The following FAM135B variants were observed in gnomAD, a reference collection of about 807,000 sequenced individuals.
FAM135B encodes the protein family with sequence similarity 135 member B, also known as protein FAM135B.
Under a neutral mutation model 127.7 loss-of-function variants are expected in FAM135B, and 43 were observed. The ratio of observed to expected loss-of-function variants is 0.34; its 90% CI spans 0.26 to 0.43. FAM135B has a LOEUF of 0.43. FAM135B is among the 20% of genes least tolerant of loss of function. The pLI is 1.00. For synonymous variants in FAM135B, 670 were observed against 665.1 expected, an observed-to-expected ratio of 1.01 and a Z score of -0.11; for missense variants, 1,558 against 1,725.6, an observed-to-expected ratio of 0.90 and a Z score of 1.72.
At chr8:138,220,597 T>C (rs1452568322) in intron 7 of FAM135B, among the ~76,000 whole-genome samples, 3 of 152,114 alleles carry the variant, frequency 2.0e-5, no homozygotes, top group Non-Finnish European at 2.9e-5. Context: ...TAGAAGCATA[T>C]CTAACGCATT....
At chr8:138,345,112 G>A (rs900514025) in intron 2 of FAM135B, among the ~76,000 whole-genome samples, 1 of 152,056 alleles carries the variant, frequency 6.6e-6, no homozygotes, top group Non-Finnish European at 1.5e-5. Context: ...GAGGATGAGG[G>A]TCAGAATAGT....
intron 2 of FAM135B, among the ~76,000 whole-genome samples, chr8:138,313,075 G>A (rs564761978): frequency 1.3e-3 from 197 of 152,280 alleles, no homozygotes; most frequent in African/African-American, 4.7e-3. Flanking sequence ...AAACTAGATT[G>A]TGGACTTAAA....
Position 138,151,213 on chromosome 8 carries a change from C to A in FAM135B, c.3262G>T (p.Val1088Phe), listed in dbSNP as rs755702293. The change falls in exon 13 of 20, where the codon GTC (valine) becomes TTC (phenylalanine). Residue 1088 changes from valine to phenylalanine, a missense_variant. Val to Phe is a conservative substitution (Grantham distance 50, BLOSUM62 -1). This residue lies in a region of FAM135B where 923 missense variants were observed against 865.3 expected (regional missense o/e 1.07). Transcript: ENST00000395297. The part of the protein sequence containing the change: ...STHSSTLDEE[V>F]SERMFSFYQA... ...GCTTACCTAAACATCCTCTCACTGA[C>A]TTCCTCATCCAACGTGCTGGAATGG... 1.9e-6 allele frequency: 3 copies of A among 1,541,236 alleles called. No individual in the cohort carries two copies. Among genetic ancestry groups the A allele is most frequent in the Admixed American group, 2.1e-5 (1 of 46,986 alleles).
rs549995764 is a variant in FAM135B, at chr8:138,222,638, G to A, written c.669+20304C>T. Among the ~76,000 whole-genome samples, 47 of 150,612 alleles carry A rather than the reference G, an allele frequency of 3.1e-4. 1 individual carries two copies. Among genetic ancestry groups the A allele is most frequent in the Middle Eastern group, 7.1e-3 (2 of 282 alleles). On this transcript the variant is annotated intron_variant, in intron 7 of 19. Transcript: ENST00000395297. Reference sequence around the variant, plus strand: ...GAATAGTTATATTTAGATGTGGTGGGGTTTTTTGTTTGTTTGTTTGTAGGA... The same window carrying A: ...GAATAGTTATATTTAGATGTGGTGGAGTTTTTTGTTTGTTTGTTTGTAGGA...
intron 1 of FAM135B, among the ~76,000 whole-genome samples, chr8:138,444,553 T>C (rs1835994565): frequency 6.6e-6 from 1 of 152,098 alleles, no homozygotes; most frequent in Non-Finnish European, 1.5e-5. Context: ...GAATGACTAC[T>C]GGGTACATAA....
At chr8:138,437,617 G>A (rs1166452594) in intron 1 of FAM135B, 1 of 152,144 alleles carries the variant, frequency 6.6e-6, no homozygotes, top group African/African-American at 2.4e-5. Context: ...GTTCTTCATA[G>A]CAGTGTGAAT....
At position 138,145,949 on chromosome 8, in the gene FAM135B, A is replaced by G. The variant is rs1231706088; in HGVS notation, c.3540+10T>C. ...GGGTTCTTCCAGTTCTGATATTTGT[A>G]TCATCATACCTGATTCTTTTCAGAC... On this transcript the variant is annotated intron_variant, in intron 15 of 19. Transcript: ENST00000395297. 1 of 1,467,046 alleles carries G rather than the reference A, an allele frequency of 6.8e-7. No homozygotes were observed. The highest frequency in any genetic ancestry group is 1.1e-5 in the South Asian group (1 of 87,286). The allele number at this position is 1,467,046 out of a possible 1,614,324, so 90.9% of individuals were successfully genotyped here.
intron 1 of FAM135B, among the ~76,000 whole-genome samples, chr8:138,456,865 G>A (rs1427355085): frequency 6.6e-6 from 1 of 152,042 alleles, no homozygotes; most frequent in Non-Finnish European, 1.5e-5. Flanking sequence ...CTGGATGGTG[G>A]AGACAGAAAC....
At chr8:138,193,517 C>T (rs1816330966) in intron 9 of FAM135B, among the ~76,000 whole-genome samples, 1 of 152,146 alleles carries the variant, frequency 6.6e-6, no homozygotes, top group Non-Finnish European at 1.5e-5. Flanking sequence ...AATGGAAAAG[C>T]CGAGTTGGAA....
At chr8:138,457,327 C>T (rs1367803284) in intron 1 of FAM135B, among the ~76,000 whole-genome samples, 1 of 152,160 alleles carries the variant, frequency 6.6e-6, no homozygotes, top group Non-Finnish European at 1.5e-5. Flanking sequence ...ATGGAAAGTA[C>T]TGTGAGCCAC....
At chr8:138,256,846 A>C in intron 4 of FAM135B, 87 bp from the exon 5 acceptor site, 1 of 968,554 alleles carries the variant, frequency 1.0e-6, no homozygotes, top group Non-Finnish European at 1.6e-6. Context: ...CAAAGTAGAG[A>C]AACACTATCT....
chr8:138,204,857 T>C (rs895316426), intron 7 of FAM135B, among the ~76,000 whole-genome samples: 2 of 152,198 alleles, frequency 1.3e-5, no homozygotes, highest in African/African-American at 4.8e-5. Context: ...GAAATATCAA[T>C]GCATTGTTTG....
rs2130741928 is a variant in FAM135B, at chr8:138,151,760, C to T, written c.2715G>A (p.Lys905=). The part of the protein sequence containing the change: ...SLHRALEETP[K]GMPKDLNVGQ... Reference sequence around the variant, plus strand: ...CCACATTCAAGTCTTTAGGCATGCCCTTTGGGGTTTCCTCAAGTGCTCTAT... The same window carrying T: ...CCACATTCAAGTCTTTAGGCATGCCTTTTGGGGTTTCCTCAAGTGCTCTAT... Residue 905 remains lysine, a synonymous_variant, in exon 13 of 20, where the codon AAG becomes AAA. Coordinates refer to ENST00000395297, the MANE Select transcript of FAM135B (RefSeq NM_015912.4). 1.2e-6 allele frequency: 2 copies of T among 1,614,134 alleles called. No individual in the cohort carries two copies. Among genetic ancestry groups the T allele is most frequent in the South Asian group, 1.1e-5 (1 of 91,080 alleles).
At chr8:138,484,502 G>T (rs999666764) in intron 1 of FAM135B, among the ~76,000 whole-genome samples, 1 of 152,128 alleles carries the variant, frequency 6.6e-6, no homozygotes, top group African/African-American at 2.4e-5. Context: ...ACAGTATTTT[G>T]CCCTCTTGGC....
In FAM135B at chr8:138,242,846, A is replaced by C. The variant is rs34688361; in HGVS notation, c.669+96T>G. 2,472 of 1,477,618 alleles carry C rather than the reference A, an allele frequency of 1.7e-3. 49 individuals are homozygous for C. The African/African-American group carries it at 0.03, about 18-fold the overall frequency. The allele number at this position is 1,477,618 out of a possible 1,614,324, so 91.5% of individuals were successfully genotyped here. A position where few individuals can be genotyped will look rare whatever the true frequency, so the allele number is the denominator to read the frequency against. ...AGGGTCAAATTAGCAAAAATCTCTG[A>C]AGGGGATGTTTCAAAGAAGCATGAA... On this transcript the variant is annotated intron_variant, in intron 7 of 19. Transcript: ENST00000395297. This position sits in a 1 kb window ranked among gnomAD's most constrained non-coding sequence, Gnocchi z 9.6.
chr8:138,155,048 A>C (rs1818583201), intron 12 of FAM135B, among the ~76,000 whole-genome samples: 1 of 152,226 alleles, frequency 6.6e-6, no homozygotes, highest in Non-Finnish European at 1.5e-5. Flanking sequence ...CCAGAGAGAA[A>C]GATTGGGTTA....
At chr8:138,189,935 C>T (rs543539432) in intron 9 of FAM135B, among the ~76,000 whole-genome samples, 3 of 152,286 alleles carry the variant, frequency 2.0e-5, no homozygotes, top group South Asian at 2.1e-4. Context: ...GCTGGCACAA[C>T]ATCTTTTCCC....
At chr8:138,472,731 C>T (rs566553719) in intron 1 of FAM135B, among the ~76,000 whole-genome samples, 8 of 152,294 alleles carry the variant, frequency 5.3e-5, no homozygotes, top group African/African-American at 1.7e-4. Flanking sequence ...CATTCCACAA[C>T]GTGCATATTG....
intron 3 of FAM135B, among the ~76,000 whole-genome samples, chr8:138,296,282 C>T (rs1825475618): frequency 6.6e-6 from 1 of 152,166 alleles, no homozygotes; most frequent in African/African-American, 2.4e-5. Flanking sequence ...GAATCTCCAC[C>T]TTCAAACTTA....
Sources: allele counts gnomAD v4.1 joint callset (sites outside exome capture counted in the v4.1 genomes callset), GRCh38; gene constraint gnomAD v4.1.1; regional missense constraint gnomAD v4.1.1; non-coding constraint Gnocchi (gnomAD v3.1); transcripts MANE v1.5; gene names NCBI Gene and HGNC (gene_info 2026-07-23, HGNC 2026-07-21).